Variants in CDH9 observed in about 807,000 individuals in gnomAD.
CDH9 encodes cadherin-9.
In CDH9, 28 loss-of-function variants were observed where a neutral mutation model predicts 70.9. That is an observed-to-expected ratio of 0.40 (90% CI 0.29 to 0.54). The LOEUF (loss-of-function observed/expected upper bound fraction) is 0.54, where lower values mean the gene tolerates loss of function less well. Among genes scored for constraint, CDH9 ranks in the 20% least tolerant of loss-of-function variants. The probability of loss-of-function intolerance (pLI) is 0.59; values close to 1 mark genes in which losing one functional copy is unlikely to be tolerated. For missense variants in CDH9, 874 were observed against 984.4 expected (o/e 0.89, Z 1.50); for synonymous variants, 409 against 343.1 (o/e 1.19, Z -2.12).
At chr5:26,883,071 A>G (rs1740496902) in intron 11 of CDH9, among the ~76,000 whole-genome samples, 2 of 128,820 alleles carry the variant, frequency 1.6e-5, no homozygotes, top group Non-Finnish European at 3.3e-5. Flanking sequence ...ATATATATAT[A>G]TATATATATA....
At chr5:26,980,429 T>C (rs1281166735) in intron 2 of CDH9, among the ~76,000 whole-genome samples, 2 of 151,988 alleles carry the variant, frequency 1.3e-5, no homozygotes, top group East Asian at 1.9e-4. Context: ...CTCAATTGTC[T>C]ATCTAAAGTG....
chr5:26,982,931 C>T (rs763292251), intron 2 of CDH9, among the ~76,000 whole-genome samples: 3 of 151,958 alleles, frequency 2.0e-5, no homozygotes, highest in East Asian at 1.9e-4. Flanking sequence ...GTGATTTACC[C>T]GCCTCCGCCT....
chr5:26,900,796 G>A (rs913693220), intron 7 of CDH9, among the ~76,000 whole-genome samples: 2 of 151,992 alleles, frequency 1.3e-5, no homozygotes, highest in Non-Finnish European at 1.5e-5. Flanking sequence ...AACCAACATT[G>A]ATGATTTTTT....
At chr5:27,018,148 T>C (rs990883288) in intron 1 of CDH9, among the ~76,000 whole-genome samples, 1 of 151,860 alleles carries the variant, frequency 6.6e-6, no homozygotes, top group Admixed American at 6.6e-5. Flanking sequence ...GATTGACTTC[T>C]ATATTACAGA....
chr5:27,026,226 T>A (rs1327049614), intron 1 of CDH9, among the ~76,000 whole-genome samples: 1 of 152,026 alleles, frequency 6.6e-6, no homozygotes, highest in Non-Finnish European at 1.5e-5. Context: ...AGTGTCCAGT[T>A]CACATTCTTA....
At chr5:26,903,513 T>A (rs761034734) in intron 6 of CDH9, 124 bp downstream of exon 6, 1 of 770,704 alleles carries the variant, frequency 1.3e-6, no homozygotes, top group African/African-American at 1.7e-5. Flanking sequence ...TTCTCATTTA[T>A]CTGAAGGATA....
intron 1 of CDH9, among the ~76,000 whole-genome samples, chr5:26,994,309 G>A (rs1404442590): frequency 6.6e-6 from 1 of 152,062 alleles, no homozygotes; most frequent in African/African-American, 2.4e-5. Context: ...AAAAGGACAT[G>A]GGAGAACTAG....
At chr5:26,889,620 A>G (rs962908577) in intron 9 of CDH9, among the ~76,000 whole-genome samples, 1 of 152,148 alleles carries the variant, frequency 6.6e-6, no homozygotes, top group African/African-American at 2.4e-5. Flanking sequence ...AACATATGTT[A>G]TAATATTCCC....
chr5:27,023,754 A>T (rs1743177840), intron 1 of CDH9, among the ~76,000 whole-genome samples: 1 of 151,986 alleles, frequency 6.6e-6, no homozygotes, highest in South Asian at 2.1e-4. Context: ...ATTTTTATTT[A>T]AAAATAGCAT....
chr5:26,895,913 T>C (rs1740741772), intron 7 of CDH9, among the ~76,000 whole-genome samples: 1 of 152,000 alleles, frequency 6.6e-6, no homozygotes, highest in Non-Finnish European at 1.5e-5. Flanking sequence ...TGTTGAATTA[T>C]TGCTGATTTT....
At chr5:26,956,579 T>C (rs148337307) in intron 2 of CDH9, among the ~76,000 whole-genome samples, 2 of 152,258 alleles carry the variant, frequency 1.3e-5, no homozygotes, top group Non-Finnish European at 2.9e-5. Context: ...GTTTGAATAT[T>C]TGTTCCCTCA....
intron 2 of CDH9, among the ~76,000 whole-genome samples, chr5:26,941,851 G>A (rs187315651): frequency 2.2e-4 from 33 of 152,266 alleles, no homozygotes; most frequent in Non-Finnish European, 3.2e-4. Flanking sequence ...TACAGTTATG[G>A]AGGCTGGGAA....
chr5:26,923,143 A>G (rs75551312), intron 2 of CDH9, among the ~76,000 whole-genome samples: 3,234 of 151,168 alleles, frequency 0.021, 57 homozygotes, highest in African/African-American at 0.05. Context: ...AAAGAAAGAC[A>G]AAGCAATCTA....
intron 2 of CDH9, among the ~76,000 whole-genome samples, chr5:26,955,653 T>A (rs1741934736): frequency 1.3e-5 from 2 of 151,894 alleles, no homozygotes; most frequent in African/African-American, 4.8e-5. Context: ...CAATATCAAT[T>A]CCCTTTTGTT....
In CDH9 at chr5:26,881,282, C is replaced by T. The variant is rs371558373; in HGVS notation, c.2224G>A (p.Gly742Arg). 1.9e-6 allele frequency: 3 copies of T among 1,613,332 alleles called. No homozygotes were observed. The highest frequency in any genetic ancestry group is 8.5e-7 in the Non-Finnish European group (1 of 1,179,544). The change falls in exon 12 of 12, where the codon GGG becomes AGG. Residue 742 changes from glycine to arginine, a missense_variant. By Grantham distance (125) the Gly-to-Arg change is moderately radical. Coordinates refer to ENST00000231021, the MANE Select transcript of CDH9 (RefSeq NM_016279.4). ...AGCGAATCTGCTATGGAATCATTCC[C>T]TTCATAGGCATACGTTGCCAGCGAA... ...YDSLATYAYEGNDSIADSLSS... is the reference protein window; with the variant it reads ...YDSLATYAYERNDSIADSLSS...
At chr5:26,979,928 G>A (rs1433164896) in intron 2 of CDH9, among the ~76,000 whole-genome samples, 1 of 151,658 alleles carries the variant, frequency 6.6e-6, no homozygotes, top group Non-Finnish European at 1.5e-5. Context: ...TTTAAATGGA[G>A]CATTTAAAAC....
chr5:26,931,790 G>T (rs1741467090), intron 2 of CDH9, among the ~76,000 whole-genome samples: 1 of 152,058 alleles, frequency 6.6e-6, no homozygotes, highest in Non-Finnish European at 1.5e-5. Flanking sequence ...AAGCAGAAGT[G>T]CAGTCAACCC....
chr5:26,999,600 C>A (rs918815985), intron 1 of CDH9, among the ~76,000 whole-genome samples: 1 of 152,024 alleles, frequency 6.6e-6, no homozygotes, highest in African/African-American at 2.4e-5. Context: ...TCTCATTTGA[C>A]AAAGGGACAA....
Position 26,915,571 on chromosome 5 carries a change from T to A in CDH9, c.523+59A>T. ...ACATATCATAACCACAAGTCAATAA[T>A]AATTACCTGAGCAAACAAACAAATA... On this transcript the variant is annotated intron_variant, in intron 3 of 11. Coordinates refer to ENST00000231021, the MANE Select transcript of CDH9 (RefSeq NM_016279.4). 3.1e-6 allele frequency: 3 copies of A among 979,432 alleles called. 1 individual carries two copies. The South Asian group carries it at 4.3e-5, about 14-fold the overall frequency. The allele number at this position is 979,432 out of a possible 1,614,324, so 60.7% of individuals were successfully genotyped here.
Sources: gnomAD v4.1 joint callset for allele counts (sites outside exome capture counted in the v4.1 genomes callset) on GRCh38, gnomAD v4.1.1 for gene constraint, MANE v1.5 for transcripts, NCBI Gene and HGNC (gene_info 2026-07-23, HGNC 2026-07-21) for gene names.